SEMA6A: variants seen among roughly 807,000 people sequenced by gnomAD.
SEMA6A encodes semaphorin-6A.
Under a neutral mutation model 96.8 loss-of-function variants are expected in SEMA6A, and 25 were observed. The ratio of observed to expected loss-of-function variants is 0.26; its 90% CI spans 0.19 to 0.36. The LOEUF is 0.36. Ranked by LOEUF, SEMA6A falls within the 10% of genes least tolerant of loss-of-function variation. The pLI is 1.00. For synonymous variants in SEMA6A, 612 were observed against 518.0 expected (o/e 1.18, Z -2.46); for missense variants, 1,363 against 1,323.1 (o/e 1.03, Z -0.47).
At chr5:116,545,026 C>A (rs1760126686) in intron 1 of SEMA6A, among the ~76,000 whole-genome samples, 1 of 152,068 alleles carries the variant, frequency 6.6e-6, no homozygotes, top group African/African-American at 2.4e-5. Context: ...TTCCCCAACA[C>A]CAGCTTTGAC....
chr5:116,475,690 AAC>A (rs1298402544), intron 15 of SEMA6A, 87 bp from the exon 16 acceptor site: 1 of 918,414 alleles, frequency 1.1e-6, no homozygotes, highest in Non-Finnish European at 1.7e-6. Flanking sequence ...TAAAGACAGT[AAC>A]ACAGTTTGAT....
chr5:116,459,530 C>T (rs552765584), intron 18 of SEMA6A, among the ~76,000 whole-genome samples: 1 of 152,246 alleles, frequency 6.6e-6, no homozygotes, highest in African/African-American at 2.4e-5. Context: ...CGTCCATACA[C>T]TTAGTCACCA....
intron 18 of SEMA6A, among the ~76,000 whole-genome samples, chr5:116,463,838 A>C (rs952757477): frequency 7.2e-5 from 11 of 152,192 alleles, no homozygotes; most frequent in Non-Finnish European, 2.9e-5. Flanking sequence ...TTTTTATTCT[A>C]TTCAGGATAT....
Position 116,444,651 on chromosome 5 carries a change from C to T in SEMA6A, c.*1962G>A, listed in dbSNP as rs1165392957. 1 of 152,602 alleles carries T rather than the reference C, an allele frequency of 6.6e-6. No individual in the cohort carries two copies. The highest frequency in any genetic ancestry group is 1.9e-4 in the East Asian group (1 of 5,206). 9.5% of individuals were successfully genotyped at this position (152,602 alleles called of 1,614,324 possible). On this transcript the variant is annotated 3_prime_UTR_variant, in exon 19 of 19. Coordinates refer to ENST00000343348, the MANE Select transcript of SEMA6A (RefSeq NM_020796.5). ...CACACCACCTCCCATCCCCTAAAAA[C>T]ATAATTAACAAAATAAAAAATAAAA...
rs1256788915 is a variant in SEMA6A, at chr5:116,478,280, C to G, written c.1428-126G>C. On this transcript the variant is annotated intron_variant, in intron 13 of 18. Coordinates refer to ENST00000343348, the MANE Select transcript of SEMA6A (RefSeq NM_020796.5). Reference sequence around the variant, plus strand: ...CTAACTGGCGGTGAAACAAACAAACCCTTCTGCTCTTGCACACACGTAAAC... The same window carrying G: ...CTAACTGGCGGTGAAACAAACAAACGCTTCTGCTCTTGCACACACGTAAAC... 2.0e-5 allele frequency: 23 copies of G among 1,146,310 alleles called. No homozygotes were observed. In the Admixed American group the frequency reaches 4.3e-4, roughly 22 times the overall value. 71.0% of individuals were successfully genotyped at this position (1,146,310 alleles called of 1,614,324 possible). A position where few individuals can be genotyped will look rare whatever the true frequency, so the allele number is the denominator to read the frequency against.
At chr5:116,467,798 T>C in intron 17 of SEMA6A, 51 bp from the exon 18 acceptor site, 1 of 1,595,454 alleles carries the variant, frequency 6.3e-7, no homozygotes, top group Non-Finnish European at 8.5e-7. Context: ...GAGACCCACA[T>C]TCCCTTTGCG....
At position 116,446,943 on chromosome 5, in the gene SEMA6A, G is replaced by A. The variant is rs775864935; in HGVS notation, c.2763C>T (p.Pro921=). 13 of 1,613,954 alleles carry A rather than the reference G, an allele frequency of 8.1e-6. No individual in the cohort carries two copies. The highest frequency in any genetic ancestry group is 5.0e-5 in the Admixed American group (3 of 60,030). The change falls in exon 19 of 19, where the codon CCC becomes CCT. Residue 921 remains proline (P), a synonymous_variant. Coordinates refer to ENST00000343348, the MANE Select transcript of SEMA6A (RefSeq NM_020796.5). Reference sequence around the variant, plus strand: ...GGTGGCTTCTCGTGAGCGAGTTCGTGGGGTAGCTCCTCTTATAGTCAACCC... The same window carrying A: ...GGTGGCTTCTCGTGAGCGAGTTCGTAGGGTAGCTCCTCTTATAGTCAACCC... ...SYGVDYKRSY[P]TNSLTRSHQA...
In SEMA6A at chr5:116,444,008, C is replaced by G. The variant is rs933618379; in HGVS notation, c.*2605G>C. ...GGCAGTGATGCCTACAAACACTGGA[C>G]AAGACAGCCGCTTACGTCAATGATG... On this transcript the variant is annotated 3_prime_UTR_variant, in exon 19 of 19. Coordinates refer to ENST00000343348, the MANE Select transcript of SEMA6A (RefSeq NM_020796.5). 1 of 152,024 alleles carries G rather than the reference C, an allele frequency of 6.6e-6. No homozygotes were observed. Among genetic ancestry groups the G allele is most frequent in the African/African-American group, 2.4e-5 (1 of 41,356 alleles). 9.4% of individuals were successfully genotyped at this position (152,024 alleles called of 1,614,324 possible). A position where few individuals can be genotyped will look rare whatever the true frequency, so the allele number is the denominator to read the frequency against.
At chr5:116,572,339 G>A (rs1455690800) in intron 1 of SEMA6A, among the ~76,000 whole-genome samples, 8 of 152,190 alleles carry the variant, frequency 5.3e-5, no homozygotes, top group Non-Finnish European at 1.0e-4. Flanking sequence ...GCTGTGCCTG[G>A]CCACCGCAGT....
chr5:116,545,263 C>T (rs926283176), intron 1 of SEMA6A, among the ~76,000 whole-genome samples: 1 of 152,274 alleles, frequency 6.6e-6, no homozygotes, highest in Admixed American at 6.5e-5. Flanking sequence ...GGACAAGCTG[C>T]GTAAGGGATA....
At chr5:116,448,910 G>T (rs182566579) in intron 18 of SEMA6A, among the ~76,000 whole-genome samples, 114 of 152,242 alleles carry the variant, frequency 7.5e-4, no homozygotes, top group African/African-American at 2.7e-3. Context: ...TACCATTATT[G>T]CACCTAGAGT....
chr5:116,446,495 G>T lies in SEMA6A; in HGVS notation c.*118C>A, dbSNP rs1349809597. On this transcript the variant is annotated 3_prime_UTR_variant, in exon 19 of 19. Transcript: ENST00000343348. ...CCAGAGAGGAGGACCCAGCGTCCTCGGCTCTGCCGCAGGCCTTCTTGGTCT... is the reference window on the plus strand; with the variant it reads ...CCAGAGAGGAGGACCCAGCGTCCTCTGCTCTGCCGCAGGCCTTCTTGGTCT... 11 of 878,444 alleles carry T rather than the reference G, an allele frequency of 1.3e-5. No homozygotes were observed. The highest frequency in any genetic ancestry group is 6.8e-5 in the African/African-American group (4 of 58,910). 54.4% of individuals were successfully genotyped at this position (878,444 alleles called of 1,614,324 possible). A position where few individuals can be genotyped will look rare whatever the true frequency, so the allele number is the denominator to read the frequency against.
intron 11 of SEMA6A, among the ~76,000 whole-genome samples, chr5:116,481,303 T>G (rs558203201): frequency 1.3e-5 from 2 of 152,282 alleles, no homozygotes; most frequent in Admixed American, 1.3e-4. Flanking sequence ...GAACTCCCCT[T>G]CCTGCTAGAA....
At chr5:116,455,793 C>A (rs1377570787) in intron 18 of SEMA6A, among the ~76,000 whole-genome samples, 1 of 152,282 alleles carries the variant, frequency 6.6e-6, no homozygotes, top group South Asian at 2.1e-4. Flanking sequence ...TAAGAACATA[C>A]ACTTTGAGCT....
At chr5:116,552,799 G>A (rs1313732977) in intron 1 of SEMA6A, among the ~76,000 whole-genome samples, 3 of 152,202 alleles carry the variant, frequency 2.0e-5, no homozygotes, top group South Asian at 2.1e-4. Flanking sequence ...GTGCCAAAAT[G>A]TTGCCAGATG....
chr5:116,461,573 G>A (rs74187455), intron 18 of SEMA6A, among the ~76,000 whole-genome samples: 4 of 152,000 alleles, frequency 2.6e-5, no homozygotes, highest in East Asian at 1.9e-4. Flanking sequence ...CACTTTCCTC[G>A]TCTTCCTTGT....
chr5:116,480,592 A>C (rs1756705749), intron 11 of SEMA6A, among the ~76,000 whole-genome samples: 1 of 152,032 alleles, frequency 6.6e-6, no homozygotes, highest in South Asian at 2.1e-4. Flanking sequence ...TGTGGTTTGC[A>C]CATATCTCGG....
Position 116,478,694 on chromosome 5 carries a change from C to T in SEMA6A, c.1275G>A (p.Val425=). The T allele has an allele frequency of 1.2e-6, 2 of 1,612,742 alleles. No individual in the cohort carries two copies. Among genetic ancestry groups the T allele is most frequent in the Non-Finnish European group, 1.7e-6 (2 of 1,179,592 alleles). Residue 425 remains valine (V), a synonymous_variant, in exon 13 of 19, where the codon GTG becomes GTA. Transcript: ENST00000343348. ...TCTGATATGGCCCAGCAGCTGTGTC[C>T]ACTGCAATTTTGGTAAGGCGGTATC... is the stretch of plus-strand genomic sequence containing the variant. ...MVRYRLTKIA[V]DTAAGPYQNH...
At chr5:116,558,292 AT>A (rs1760684045) in intron 1 of SEMA6A, among the ~76,000 whole-genome samples, 1 of 152,134 alleles carries the variant, frequency 6.6e-6, no homozygotes, top group Non-Finnish European at 1.5e-5. Context: ...ATCTTTTTTA[AT>A]TTTTACTTTT....
Sources: gnomAD v4.1 joint callset for allele counts (sites outside exome capture counted in the v4.1 genomes callset) on GRCh38, gnomAD v4.1.1 for gene constraint, MANE v1.5 for transcripts, NCBI Gene and HGNC (gene_info 2026-07-23, HGNC 2026-07-21) for gene names.